The following LRRC18 variants were observed in gnomAD, a reference collection of about 807,000 sequenced individuals.
The protein encoded by LRRC18 is leucine-rich repeat-containing protein 18.
In LRRC18, 12 loss-of-function variants were observed where a neutral mutation model predicts 11.2. That is an observed-to-expected ratio of 1.07 (90% CI 0.69 to 1.74). The LOEUF is 1.74. LRRC18 is among the 40% of genes most tolerant of loss of function. The pLI is 0.00. For missense variants in LRRC18, 374 were observed against 330.5 expected (o/e 1.13, Z -1.02); for synonymous variants, 155 against 130.6 (o/e 1.19, Z -1.27).
At chr10:48,936,103 A>C in the LRRC18 span, among the ~76,000 whole-genome samples, 1 of 152,220 alleles carries the variant, frequency 6.6e-6, no homozygotes, top group Non-Finnish European at 1.5e-5. Flanking sequence ...CTAGCAAATA[A>C]GTGAAATAAG....
the LRRC18 span, among the ~76,000 whole-genome samples, chr10:48,929,855 T>C: frequency 6.6e-6 from 1 of 152,166 alleles, no homozygotes; most frequent in Admixed American, 6.5e-5. Context: ...GCATCAGACT[T>C]GACAACTCTT....
At chr10:48,924,989 T>C in the LRRC18 span, among the ~76,000 whole-genome samples, 1 of 152,218 alleles carries the variant, frequency 6.6e-6, no homozygotes, top group Non-Finnish European at 1.5e-5. Context: ...GATAGACACA[T>C]GGAACTGAAA....
At chr10:48,935,807 C>T in the LRRC18 span, among the ~76,000 whole-genome samples, 3 of 152,126 alleles carry the variant, frequency 2.0e-5, no homozygotes, top group Non-Finnish European at 4.4e-5. Context: ...CCTGAATGAA[C>T]ACACAGCAGT....
At chr10:48,936,199 TA>T in the LRRC18 span, among the ~76,000 whole-genome samples, 3 of 151,954 alleles carry the variant, frequency 2.0e-5, no homozygotes, top group Non-Finnish European at 2.9e-5. Context: ...AATTTAGAAA[TA>T]AAAACAAAAC....
chr10:48,933,773 C>A, the LRRC18 span, among the ~76,000 whole-genome samples: 1 of 152,048 alleles, frequency 6.6e-6, no homozygotes, highest in Non-Finnish European at 1.5e-5. Context: ...TAGACATGGG[C>A]GTGGTTCAAT....
At chr10:48,913,630 G>T in exon 1 of LRRC18, 1 of 1,614,016 alleles carries the variant, frequency 6.2e-7, no homozygotes, top group Admixed American at 1.7e-5. Flanking sequence ...AAGGGGTTCC[G>T]CTTTATGTTG....
chr10:48,915,932 G>C (rs1838488053), upstream of LRRC18, among the ~76,000 whole-genome samples: 1 of 152,148 alleles, frequency 6.6e-6, no homozygotes, highest in Non-Finnish European at 1.5e-5. Flanking sequence ...CACCAATACT[G>C]AACTGTCTAT....
the LRRC18 span, among the ~76,000 whole-genome samples, chr10:48,929,604 A>G: frequency 6.6e-6 from 1 of 152,168 alleles, no homozygotes; most frequent in African/African-American, 2.4e-5. Context: ...ACCTAGTCTC[A>G]TTGCTTTGAA....
At chr10:48,933,910 G>C in the LRRC18 span, among the ~76,000 whole-genome samples, 1 of 152,136 alleles carries the variant, frequency 6.6e-6, no homozygotes, top group Admixed American at 6.5e-5. Context: ...AACAGTGAGA[G>C]ACCATTGGAG....
At chr10:48,931,693 G>C in the LRRC18 span, among the ~76,000 whole-genome samples, 1 of 152,334 alleles carries the variant, frequency 6.6e-6, no homozygotes, top group African/African-American at 2.4e-5. Flanking sequence ...TTCAGAAAAT[G>C]CTGCAATGTC....
the LRRC18 span, among the ~76,000 whole-genome samples, chr10:48,933,564 T>C: frequency 3.9e-5 from 6 of 152,232 alleles, no homozygotes; most frequent in Admixed American, 2.6e-4. Context: ...TGGGAAACTT[T>C]CTTCCTAGTC....
rs868408485 is a variant in LRRC18 at position 48,913,925 on chromosome 10, C to T, written c.231G>A (p.Trp77Ter). The T allele has an allele frequency of 2.5e-6, 4 of 1,613,956 alleles. No individual in the cohort carries two copies. In the Admixed American group the frequency reaches 5.0e-5, roughly 20 times the overall value. ...CTATGTAGTTGCTGTGCAGGTCCAG[C>T]CACCGGAGGTTCTGGAACTTGGAGA... Residue 77 changes from tryptophan (W) to a stop codon, truncating the protein, a stop_gained, in exon 1 of 2, where the codon TGG becomes TGA. Transcript: ENST00000374160. LOFTEE classifies it high-confidence loss of function.
exon 1 of LRRC18, chr10:48,913,682 G>A: frequency 1.2e-6 from 2 of 1,613,442 alleles, no homozygotes; most frequent in South Asian, 2.2e-5. Context: ...TCACGGGGAT[G>A]TTGTTCAGTA....
chr10:48,919,127 A>C (rs1303264598), upstream of LRRC18, among the ~76,000 whole-genome samples: 2 of 152,228 alleles, frequency 1.3e-5, no homozygotes, highest in Non-Finnish European at 2.9e-5. Flanking sequence ...AAAAAGTACA[A>C]GCTGGTTCTT....
chr10:48,916,163 G>A (rs940140543), upstream of LRRC18, among the ~76,000 whole-genome samples: 1 of 152,142 alleles, frequency 6.6e-6, no homozygotes, highest in Admixed American at 6.5e-5. Context: ...AGACCAATCT[G>A]GCCACAAGTT....
chr10:48,934,171 G>A, the LRRC18 span, among the ~76,000 whole-genome samples: 4 of 152,156 alleles, frequency 2.6e-5, no homozygotes, highest in South Asian at 4.1e-4. Flanking sequence ...TTCATTGGCC[G>A]GGAGTGTTGT....
upstream of LRRC18, among the ~76,000 whole-genome samples, chr10:48,918,241 C>T (rs1838729866): frequency 6.6e-6 from 1 of 152,134 alleles, no homozygotes; most frequent in Non-Finnish European, 1.5e-5. Flanking sequence ...GCAATACTTA[C>T]ATTAAGTGAA....
chr10:48,929,666 G>A, the LRRC18 span, among the ~76,000 whole-genome samples: 1 of 152,208 alleles, frequency 6.6e-6, no homozygotes, highest in Admixed American at 6.5e-5. Context: ...CCCGGACCTT[G>A]CTCCCCAATT....
exon 1 of LRRC18, chr10:48,914,128 C>T (rs1286602857): frequency 1.2e-6 from 2 of 1,613,968 alleles, no homozygotes; most frequent in Admixed American, 1.7e-5. Context: ...ATCTTCTTGC[C>T]CTTGGGGCCT....
Sources: gnomAD v4.1 joint callset for allele counts (sites outside exome capture counted in the v4.1 genomes callset) on GRCh38, gnomAD v4.1.1 for gene constraint, MANE v1.5 for transcripts, NCBI Gene and HGNC (gene_info 2026-07-23, HGNC 2026-07-21) for gene names.